Variants in CORO2A observed in about 807,000 individuals in gnomAD.
CORO2A encodes coronin-2A.
CORO2A carries 47 observed loss-of-function variants against 62.4 expected under a neutral mutation model. That is an observed-to-expected ratio of 0.75 (90% CI 0.60 to 0.96). The LOEUF is 0.96. Ranked by LOEUF, CORO2A falls within the 40% of genes least tolerant of loss-of-function variation. The pLI, the probability that CORO2A is intolerant of heterozygous loss-of-function variation, is 0.00. For synonymous variants in CORO2A, 273 were observed against 268.9 expected (o/e 1.02, Z -0.15); for missense variants, 610 against 684.1 (o/e 0.89, Z 1.21).
rs200401293 is a variant in CORO2A at position 98,176,514 on chromosome 9, G to C, written c.-1+16045C>G. Among the ~76,000 whole-genome samples, 23 of 152,178 alleles carry C rather than the reference G, an allele frequency of 1.5e-4. No individual in the cohort carries two copies. The East Asian group carries it at 4.1e-3, about 27-fold the overall frequency. On this transcript the variant is annotated intron_variant, in intron 1 of 11. Coordinates refer to ENST00000375077, the MANE Select transcript of CORO2A (RefSeq NM_052820.4). ...CTGCCCTACCTGTTCCTGGAGCCCC[G>C]CCAGCCACATCCATTGTTTCTGCCC...
chr9:98,133,294 G>A (rs1436405845), intron 4 of CORO2A, 77 bp from the exon 5 acceptor site: 1 of 1,421,796 alleles, frequency 7.0e-7, no homozygotes, highest in Non-Finnish European at 9.8e-7. Flanking sequence ...TGGCCAGGAT[G>A]CAGTGAAACA....
chr9:98,166,944 T>TAA (rs35394733), intron 1 of CORO2A, among the ~76,000 whole-genome samples: 4,625 of 148,342 alleles, frequency 0.031, 240 homozygotes, highest in African/African-American at 0.11. Context: ...CTGCTAGAAA[T>TAA]AAAAAAAAAA....
intron 2 of CORO2A, among the ~76,000 whole-genome samples, chr9:98,150,371 C>A (rs1352334581): frequency 6.6e-6 from 1 of 152,208 alleles, no homozygotes; most frequent in African/African-American, 2.4e-5. Flanking sequence ...TCTGTGGTCA[C>A]AGCACATGTG....
intron 2 of CORO2A, among the ~76,000 whole-genome samples, chr9:98,154,945 G>A (rs1239367754): frequency 6.6e-6 from 1 of 152,190 alleles, no homozygotes; most frequent in Non-Finnish European, 1.5e-5. Flanking sequence ...TGAACACTGC[G>A]TGGTATAAAC....
intron 1 of CORO2A, among the ~76,000 whole-genome samples, chr9:98,187,614 C>T (rs536540980): frequency 1.2e-4 from 19 of 152,248 alleles, no homozygotes; most frequent in African/African-American, 4.6e-4. Context: ...ACTGTGTCCT[C>T]ATGTGGTGGA....
At chr9:98,127,423 C>T (rs1432909507) in intron 10 of CORO2A, among the ~76,000 whole-genome samples, 1 of 152,020 alleles carries the variant, frequency 6.6e-6, no homozygotes, top group Non-Finnish European at 1.5e-5. Context: ...GGCTGGCCCC[C>T]GTGTTGGCAG....
At chr9:98,164,332 C>G (rs1360842693) in intron 1 of CORO2A, among the ~76,000 whole-genome samples, 1 of 152,246 alleles carries the variant, frequency 6.6e-6, no homozygotes, top group Non-Finnish European at 1.5e-5. Context: ...CCCTGACCCA[C>G]TATTATCCAT....
intron 2 of CORO2A, among the ~76,000 whole-genome samples, chr9:98,145,661 G>C (rs117617313): frequency 6.6e-6 from 1 of 152,204 alleles, no homozygotes; most frequent in Non-Finnish European, 1.5e-5. Flanking sequence ...TCTGAGCAGC[G>C]GAGTGATGTG....
intron 4 of CORO2A, among the ~76,000 whole-genome samples, chr9:98,134,043 T>G (rs984849269): frequency 6.6e-6 from 1 of 152,186 alleles, no homozygotes; most frequent in Non-Finnish European, 1.5e-5. Flanking sequence ...TGAGCCACCA[T>G]GTCCGGCCCC....
At chr9:98,169,427 G>C (rs1377610968) in intron 1 of CORO2A, among the ~76,000 whole-genome samples, 1 of 151,612 alleles carries the variant, frequency 6.6e-6, no homozygotes, top group African/African-American at 2.4e-5. Context: ...TGCCCCCACG[G>C]CCCCCACCTG....
At chr9:98,135,070 T>C (rs1827467459) in intron 3 of CORO2A, 115 bp from the exon 4 acceptor site, 2 of 1,345,142 alleles carry the variant, frequency 1.5e-6, no homozygotes, top group Non-Finnish European at 2.0e-6. Context: ...GCTCTCTCCA[T>C]AGCCACCTCC....
At chr9:98,190,812 T>C (rs1740014627) in intron 1 of CORO2A, among the ~76,000 whole-genome samples, 1 of 152,234 alleles carries the variant, frequency 6.6e-6, no homozygotes, top group Non-Finnish European at 1.5e-5. Context: ...CTTAAGCCTG[T>C]GCGTCGGAGC....
intron 1 of CORO2A, among the ~76,000 whole-genome samples, chr9:98,168,214 T>C (rs80293000): frequency 0.062 from 9,457 of 152,310 alleles, 410 homozygotes; most frequent in Middle Eastern, 0.12. Context: ...GATGAAACCA[T>C]ACAAGCAACA....
At chr9:98,128,817 A>G (rs1300167394) in intron 8 of CORO2A, 98 bp from the exon 9 acceptor site, 4 of 897,594 alleles carry the variant, frequency 4.5e-6, no homozygotes, top group Non-Finnish European at 7.2e-6. Context: ...AACAGAGACC[A>G]GTCTCCTCCC....
rs1220806306 is a variant in CORO2A, at chr9:98,129,892, TGAG to T, written c.871-5_871-3del. On this transcript the variant is annotated splice_region_variant and splice_polypyrimidine_tract_variant and intron_variant, in intron 7 of 11. Transcript: ENST00000375077. ...GTAGTAGCGGATGTTGCCATCTCCC[TGAG>T]GAGGAGGAGAAGGAAGAGGAGGGTG... The T allele has an allele frequency of 1.6e-5, 26 of 1,611,062 alleles. No homozygotes were observed. The highest frequency in any genetic ancestry group is 2.2e-5 in the Non-Finnish European group (26 of 1,177,682).
intron 2 of CORO2A, among the ~76,000 whole-genome samples, chr9:98,137,995 C>T (rs971665909): frequency 6.6e-6 from 1 of 152,154 alleles, no homozygotes; most frequent in East Asian, 1.9e-4. Context: ...GGGCATTTCC[C>T]CTCACACACT....
chr9:98,151,877 C>T (rs1245861458), intron 2 of CORO2A, among the ~76,000 whole-genome samples: 1 of 145,418 alleles, frequency 6.9e-6, no homozygotes, highest in African/African-American at 2.6e-5. Flanking sequence ...AGTACAGTGG[C>T]GCGATCTCGA....
chr9:98,140,663 T>C (rs1413319046), intron 2 of CORO2A, among the ~76,000 whole-genome samples: 4 of 152,198 alleles, frequency 2.6e-5, no homozygotes, highest in Non-Finnish European at 2.9e-5. Flanking sequence ...CAGGCTGGTC[T>C]TGAACTCCTG....
At chr9:98,134,062 C>G (rs2118814169) in intron 4 of CORO2A, among the ~76,000 whole-genome samples, 1 of 152,254 alleles carries the variant, frequency 6.6e-6, no homozygotes, top group South Asian at 2.1e-4. Context: ...CCCCACCTCC[C>G]TTTTATCCAA....
Sources: allele counts gnomAD v4.1 joint callset (sites outside exome capture counted in the v4.1 genomes callset), GRCh38; gene constraint gnomAD v4.1.1; transcripts MANE v1.5; gene names NCBI Gene and HGNC (gene_info 2026-07-23, HGNC 2026-07-21).